The following DPP10 variants were observed in gnomAD, a reference collection of about 807,000 sequenced individuals.
The protein encoded by DPP10 is inactive dipeptidyl peptidase 10.
DPP10 carries 33 observed loss-of-function variants against 120.9 expected under a neutral mutation model. The observed-to-expected ratio is 0.27, with a 90% CI of 0.21 to 0.37. DPP10 has a LOEUF of 0.37. Among genes scored for constraint, DPP10 ranks in the 10% least tolerant of loss-of-function variants. The pLI, the probability that DPP10 is intolerant of heterozygous loss-of-function variation, is 1.00. For missense variants in DPP10, 816 were observed against 942.8 expected, an observed-to-expected ratio of 0.87 and a Z score of 1.76; for synonymous variants, 337 against 326.1, an observed-to-expected ratio of 1.03 and a Z score of -0.36.
chr2:115,067,906 T>G lies in DPP10; in HGVS notation c.61-241333T>G, dbSNP rs373443360. On this transcript the variant is annotated intron_variant, in intron 1 of 25. Coordinates refer to ENST00000410059, the MANE Select transcript of DPP10 (RefSeq NM_020868.6). ...GAAAAAAAAGAAAAATATTCCTGTG[T>G]GGGTGTGTGGGGGTGTGTGGGGGTG... Among the ~76,000 whole-genome samples the G allele has an allele frequency of 3.3e-4, 48 of 143,638 alleles. No homozygotes were observed. In the South Asian group the frequency reaches 9.5e-3, roughly 28 times the overall value. 94.2% of individuals were successfully genotyped at this position (143,638 alleles called of 152,430 possible).
At chr2:115,713,207 C>A (rs2092387961) in intron 7 of DPP10, among the ~76,000 whole-genome samples, 1 of 151,886 alleles carries the variant, frequency 6.6e-6, no homozygotes, top group Admixed American at 6.6e-5. Flanking sequence ...AAGCAGCAGT[C>A]ATGAGAGAGG....
At chr2:115,775,566 A>G (rs573280126) in intron 13 of DPP10, among the ~76,000 whole-genome samples, 2 of 152,234 alleles carry the variant, frequency 1.3e-5, no homozygotes, top group East Asian at 3.9e-4. Context: ...GATTTTCCAC[A>G]TCAGGGAAAG....
At position 115,842,315 on chromosome 2, in the gene DPP10, G is replaced by T. The variant is rs1217532395; in HGVS notation, c.2361G>T (p.Val787=). 1 of 1,613,746 alleles carries T rather than the reference G, an allele frequency of 6.2e-7. No homozygotes were observed. Among genetic ancestry groups the T allele is most frequent in the African/African-American group, 1.3e-5 (1 of 74,920 alleles). The change falls in exon 26 of 26, where the codon GTG becomes GTT. Residue 787 remains valine (V), a synonymous_variant. Transcript: ENST00000410059. ...ATTGTTTGAAGGAAGAAATATCTGT[G>T]CTACCACAGGAACCAGAAGAAGATG... ...FSDCLKEEIS[V]LPQEPEEDE
chr2:114,477,925 A>ATATGTACATATATG (rs1558795043), intron 1 of DPP10, among the ~76,000 whole-genome samples: 4 of 150,220 alleles, frequency 2.7e-5, no homozygotes, highest in African/African-American at 9.9e-5. Context: ...ATGTGTATAT[A>ATATGTACATATATG]TGTACATATG....
chr2:115,617,263 A>G (rs763003391), intron 5 of DPP10, among the ~76,000 whole-genome samples: 2 of 11,044 alleles, frequency 1.8e-4, no homozygotes, highest in African/African-American at 4.3e-4. Context: ...ATGGGTATAT[A>G]TATATTTTTT....
chr2:115,465,649 C>G (rs1022708789), intron 3 of DPP10, among the ~76,000 whole-genome samples: 7 of 152,000 alleles, frequency 4.6e-5, no homozygotes, highest in African/African-American at 1.7e-4. Context: ...ATGGTGAAAC[C>G]CTGGCTCTAC....
chr2:114,663,664 T>TAG (rs1374317856), intron 1 of DPP10, among the ~76,000 whole-genome samples: 1,980 of 95,256 alleles, frequency 0.021, 19 homozygotes, highest in Middle Eastern at 0.034. Flanking sequence ...TATATATATA[T>TAG]ATATAGAGAG....
chr2:115,718,844 A>C (rs2149601706), intron 7 of DPP10, among the ~76,000 whole-genome samples: 1 of 152,284 alleles, frequency 6.6e-6, no homozygotes, highest in South Asian at 2.1e-4. Flanking sequence ...GCAAAGGAAA[A>C]GTGAAAAAGG....
chr2:114,683,849 A>C (rs923206717), intron 1 of DPP10, among the ~76,000 whole-genome samples: 1 of 151,920 alleles, frequency 6.6e-6, no homozygotes, highest in Admixed American at 6.6e-5. Flanking sequence ...TCAAGATTTA[A>C]CCCCCTGTAT....
rs1690382510 is a variant in DPP10, at chr2:115,843,790, A to G, written c.*1445A>G. ...TAAGGGATCTTCCAGAAGATATCTA[A>G]AAGTCTGTAATAAGCTTAGAAGTTC... On this transcript the variant is annotated 3_prime_UTR_variant, in exon 26 of 26. Transcript: ENST00000410059. 6.6e-6 allele frequency: 1 copy of G among 152,474 alleles called. No individual in the cohort carries two copies. The highest frequency in any genetic ancestry group is 1.5e-5 in the Non-Finnish European group (1 of 68,032). 9.4% of individuals were successfully genotyped at this position (152,474 alleles called of 1,614,324 possible).
chr2:114,725,444 C>T (rs1157400137), intron 1 of DPP10, among the ~76,000 whole-genome samples: 1 of 152,184 alleles, frequency 6.6e-6, no homozygotes, highest in Non-Finnish European at 1.5e-5. Flanking sequence ...TACCTTTAGC[C>T]TTGGCTCCCT....
intron 1 of DPP10, among the ~76,000 whole-genome samples, chr2:114,781,811 G>A (rs982602474): frequency 6.6e-6 from 1 of 152,108 alleles, no homozygotes. Flanking sequence ...TGCAGAGCTA[G>A]CTGCTTGCTC....
At chr2:114,531,989 C>T (rs913365490) in intron 1 of DPP10, among the ~76,000 whole-genome samples, 8 of 151,668 alleles carry the variant, frequency 5.3e-5, no homozygotes, top group Admixed American at 1.3e-4. Context: ...CACTGAGGGG[C>T]GAAATAGAAC....
chr2:114,738,008 A>C (rs1316527304), intron 1 of DPP10, among the ~76,000 whole-genome samples: 2 of 152,222 alleles, frequency 1.3e-5, no homozygotes, highest in African/African-American at 4.8e-5. Context: ...TAGGAAACTT[A>C]CAATCATGAC....
intron 19 of DPP10, among the ~76,000 whole-genome samples, chr2:115,793,669 T>C (rs1684231747): frequency 6.6e-6 from 1 of 152,038 alleles, no homozygotes; most frequent in Non-Finnish European, 1.5e-5. Context: ...TTTACTTTGC[T>C]ACTTTTTTGG....
chr2:115,767,371 C>G (rs1334586553), intron 12 of DPP10, among the ~76,000 whole-genome samples: 2 of 152,018 alleles, frequency 1.3e-5, no homozygotes, highest in Non-Finnish European at 2.9e-5. Flanking sequence ...AACCACCTCT[C>G]GTTAGTCCAG....
At chr2:114,471,528 C>T (rs1679910018) in intron 1 of DPP10, among the ~76,000 whole-genome samples, 1 of 152,036 alleles carries the variant, frequency 6.6e-6, no homozygotes, top group Non-Finnish European at 1.5e-5. Flanking sequence ...TAGAAATAAA[C>T]AGGAATGCTA....
At chr2:115,379,407 A>G (rs1436110965) in intron 3 of DPP10, among the ~76,000 whole-genome samples, 3 of 152,122 alleles carry the variant, frequency 2.0e-5, no homozygotes, top group African/African-American at 7.2e-5. Context: ...TATCCCCTTT[A>G]TCATTTTTTA....
chr2:115,294,236 G>A (rs2060785012), intron 1 of DPP10, among the ~76,000 whole-genome samples: 1 of 152,018 alleles, frequency 6.6e-6, no homozygotes, highest in South Asian at 2.1e-4. Flanking sequence ...TCATGGTGTG[G>A]GTGGGCATGC....
Sources: gnomAD v4.1 joint callset for allele counts (sites outside exome capture counted in the v4.1 genomes callset) on GRCh38, gnomAD v4.1.1 for gene constraint, MANE v1.5 for transcripts, NCBI Gene and HGNC (gene_info 2026-07-23, HGNC 2026-07-21) for gene names.